The following SIPA1L1 variants were observed in gnomAD, a reference collection of about 807,000 sequenced individuals.
The protein encoded by SIPA1L1 is signal induced proliferation associated 1 like 1.
Under a neutral mutation model 162.7 loss-of-function variants are expected in SIPA1L1, and 26 were observed. The observed-to-expected ratio is 0.16, with a 90% confidence interval of 0.12 to 0.22. The LOEUF (loss-of-function observed/expected upper bound fraction) is 0.22. Among genes scored for constraint, SIPA1L1 ranks in the 10% least tolerant of loss-of-function variants. SIPA1L1 has a pLI of 1.00. For missense variants in SIPA1L1, 1,874 were observed against 2,241.0 expected, an observed-to-expected ratio of 0.84 and a Z score of 3.31; for synonymous variants, 829 against 837.4, an observed-to-expected ratio of 0.99 and a Z score of 0.17.
intron 2 of SIPA1L1, among the ~76,000 whole-genome samples, chr14:71,381,962 CT>C (rs900438114): frequency 6.6e-6 from 1 of 152,060 alleles, no homozygotes; most frequent in Non-Finnish European, 1.5e-5. Flanking sequence ...CCTATTTTCT[CT>C]TTTTTTGTTT....
intron 13 of SIPA1L1, among the ~76,000 whole-genome samples, chr14:71,694,536 C>CAGAGGATGTTTAGT (rs975843952): frequency 6.6e-6 from 1 of 151,604 alleles, no homozygotes; most frequent in Non-Finnish European, 1.5e-5. Flanking sequence ...AAGGAAGCCC[C>CAGAGGATGTTTAGT]AGAGGATGTT....
Position 71,679,652 on chromosome 14 carries a change from G to A in SIPA1L1, c.3105-5710G>A, listed in dbSNP as rs542757950. On this transcript the variant is annotated intron_variant, in intron 12 of 23. Transcript: ENST00000381232. Reference sequence around the variant, plus strand: ...GACACAGACTGGCAAATTTGATAGAGTCAAGACCCATCAGTGTGCTATATT... The same window carrying A: ...GACACAGACTGGCAAATTTGATAGAATCAAGACCCATCAGTGTGCTATATT... Among the ~76,000 whole-genome samples the A allele has an allele frequency of 4.6e-5, 7 of 152,306 alleles. No individual in the cohort carries two copies. The South Asian group carries it at 1.2e-3, about 27-fold the overall frequency.
In SIPA1L1 at chr14:71,588,460, C is replaced by T. The variant is rs1596295625; in HGVS notation, c.588C>T (p.Tyr196=). The T allele has an allele frequency of 6.2e-7, 1 of 1,614,124 alleles. No individual in the cohort carries two copies. The highest frequency in any genetic ancestry group is 1.1e-5 in the South Asian group (1 of 91,088). ...DSFDECISPT[Y]KTGPSLHREY... is the part of the protein sequence containing the mutation. ...TTGATGAATGTATCTCACCTACATA[C>T]AAGACTGGACCATCACTGCACAGGG... is the stretch of plus-strand genomic sequence containing the variant. Residue 196 remains tyrosine, a synonymous_variant, in exon 5 of 24, where the codon TAC becomes TAT. Coordinates refer to ENST00000381232, the MANE Select transcript of SIPA1L1 (RefSeq NM_001386936.1). This position sits in a 1 kb window ranked among gnomAD's most constrained non-coding sequence, Gnocchi z 4.3.
intron 14 of SIPA1L1, 147 bp from the exon 15 acceptor site, chr14:71,702,234 C>T (rs200497491): frequency 6.6e-6 from 5 of 759,386 alleles, no homozygotes; most frequent in East Asian, 5.0e-5. Flanking sequence ...CACGTAAACA[C>T]GAACCAGGGT....
intron 17 of SIPA1L1, among the ~76,000 whole-genome samples, chr14:71,717,461 T>C (rs572354623): frequency 6.6e-6 from 1 of 152,366 alleles, no homozygotes; most frequent in South Asian, 2.1e-4. Context: ...AGTTATTATT[T>C]CCTGTTACAT....
intron 2 of SIPA1L1, among the ~76,000 whole-genome samples, chr14:71,475,271 G>T (rs1300436928): frequency 6.6e-6 from 1 of 152,192 alleles, no homozygotes; most frequent in Non-Finnish European, 1.5e-5. Context: ...AAGCTTATCT[G>T]TTCCTGCATA....
At chr14:71,578,090 T>C (rs2033377371) in intron 4 of SIPA1L1, among the ~76,000 whole-genome samples, 2 of 152,074 alleles carry the variant, frequency 1.3e-5, no homozygotes, top group African/African-American at 4.8e-5. Flanking sequence ...TTTGTAGTTT[T>C]AGTAGAGACG....
At chr14:71,668,250 C>T (rs1485578730) in intron 10 of SIPA1L1, among the ~76,000 whole-genome samples, 1 of 152,140 alleles carries the variant, frequency 6.6e-6, no homozygotes, top group Admixed American at 6.5e-5. Context: ...TTAGCAGGCA[C>T]CTCAGGAGTA....
chr14:71,672,217 T>A, intron 11 of SIPA1L1, 131 bp from the exon 12 acceptor site: 1 of 852,156 alleles, frequency 1.2e-6, no homozygotes, highest in Non-Finnish European at 1.8e-6. Flanking sequence ...GAAGAGGAAA[T>A]AACCAGACTG....
chr14:71,711,013 C>T (rs967396489), intron 17 of SIPA1L1, among the ~76,000 whole-genome samples: 2 of 152,080 alleles, frequency 1.3e-5, no homozygotes, highest in Non-Finnish European at 2.9e-5. Context: ...GAGTCTCTAT[C>T]GCTACTTATC....
intron 5 of SIPA1L1, among the ~76,000 whole-genome samples, chr14:71,611,426 G>GAACGTGCAGAACGTGCA (rs766035190): frequency 1.4e-3 from 207 of 152,062 alleles, no homozygotes; most frequent in Non-Finnish European, 2.4e-3. Flanking sequence ...TTATGTTCTA[G>GAACGTGCAGAACGTGCA]GATACATGTG....
chr14:71,337,649 C>T (rs4899395), intron 2 of SIPA1L1, among the ~76,000 whole-genome samples: 3,452 of 152,202 alleles, frequency 0.023, 120 homozygotes, highest in African/African-American at 0.078. Flanking sequence ...TCCCATGACA[C>T]GTGGGAATTA....
chr14:71,564,529 A>T (rs1271026937), intron 4 of SIPA1L1, among the ~76,000 whole-genome samples: 14 of 119,970 alleles, frequency 1.2e-4, no homozygotes, highest in African/African-American at 4.4e-4. Context: ...TCTGTCGCCC[A>T]GGCTGGAGTG....
At chr14:71,531,929 T>G (rs560808632) in intron 4 of SIPA1L1, among the ~76,000 whole-genome samples, 4 of 152,342 alleles carry the variant, frequency 2.6e-5, no homozygotes, top group Admixed American at 2.0e-4. Flanking sequence ...AATAGTCAGT[T>G]CCATTCAAAA....
intron 15 of SIPA1L1, among the ~76,000 whole-genome samples, chr14:71,704,183 G>A (rs1240360148): frequency 6.6e-6 from 1 of 152,062 alleles, no homozygotes; most frequent in Non-Finnish European, 1.5e-5. Flanking sequence ...TTCCTAACTG[G>A]CACATCAGAA....
chr14:71,658,334 T>C lies in SIPA1L1; in HGVS notation c.1995T>C (p.Thr665=). The change falls in exon 9 of 24, where the codon ACT becomes ACC. Residue 665 remains threonine, a splice_region_variant and synonymous_variant. Transcript: ENST00000381232. ...TCATTATATTTTTTTTAACTGTAGCTGACTCCACTGGAACCCATTCTCTGT... is the reference window on the plus strand; with the variant it reads ...TCATTATATTTTTTTTAACTGTAGCCGACTCCACTGGAACCCATTCTCTGT... The part of the protein sequence containing the change: ...EKYRAQLDTK[T]DSTGTHSLYT... 6.5e-7 allele frequency: 1 copy of C among 1,545,284 alleles called. No individual in the cohort carries two copies.
In SIPA1L1 at chr14:71,725,647, A is replaced by G. The variant is rs73298681; in HGVS notation, c.4614+812A>G. ...TTAAGGCTCTCTCCTTTCTTGTTCT[A>G]TAAAGTGTGGAGTCTCACGCCCCCG... is the stretch of plus-strand genomic sequence containing the variant. On this transcript the variant is annotated intron_variant, in intron 19 of 23. Coordinates refer to ENST00000381232, the MANE Select transcript of SIPA1L1 (RefSeq NM_001386936.1). Among the ~76,000 whole-genome samples, 16 of 152,224 alleles carry G rather than the reference A, an allele frequency of 1.1e-4. No homozygotes were observed. In the East Asian group the frequency reaches 2.5e-3, roughly 24 times the overall value.
chr14:71,721,070 G>T (rs2083682529), intron 17 of SIPA1L1, among the ~76,000 whole-genome samples: 1 of 152,190 alleles, frequency 6.6e-6, no homozygotes, highest in South Asian at 2.1e-4. Context: ...GCCTGGGCTT[G>T]TTTGTACCCG....
At chr14:71,556,142 G>A (rs2056332606) in intron 4 of SIPA1L1, among the ~76,000 whole-genome samples, 1 of 152,172 alleles carries the variant, frequency 6.6e-6, no homozygotes, top group Non-Finnish European at 1.5e-5. Flanking sequence ...AAAGTGAAGT[G>A]CCATAAAATG....
Sources: allele counts gnomAD v4.1 joint callset (sites outside exome capture counted in the v4.1 genomes callset), GRCh38; gene constraint gnomAD v4.1.1; non-coding constraint Gnocchi (gnomAD v3.1); transcripts MANE v1.5; gene names NCBI Gene and HGNC (gene_info 2026-07-23, HGNC 2026-07-21).